GSTP1: variants seen among roughly 807,000 people sequenced by gnomAD.
GSTP1 encodes glutathione S-transferase P.
A neutral mutation model predicts 29.4 loss-of-function variants in GSTP1; 28 were observed. The observed-to-expected ratio is 0.95, with a 90% CI of 0.71 to 1.30. The LOEUF (loss-of-function observed/expected upper bound fraction) is 1.30, where lower values mean the gene tolerates loss of function less well. GSTP1 is among the 50% of genes most tolerant of loss of function. GSTP1 has a pLI of 0.00. For synonymous variants in GSTP1, 122 were observed against 117.0 expected (o/e 1.04, Z -0.28); for missense variants, 267 against 266.1 (o/e 1.00, Z -0.02).
At chr11:67,586,336 A>G (rs1238514438) in intron 6 of GSTP1, 53 bp from the exon 7 acceptor site, 2 of 1,574,940 alleles carry the variant, frequency 1.3e-6, no homozygotes, top group Non-Finnish European at 1.7e-6. Context: ...CTCTGCCCCC[A>G]ATTCCTCCAG....
Position 67,586,639 on chromosome 11 carries a change from T to A in GSTP1, c.*62T>A. On this transcript the variant is annotated 3_prime_UTR_variant, in exon 7 of 7. Transcript: ENST00000398606. ...CTTCCTTTCTCCAGGACCAATAAAA[T>A]TTCTAAGAGAGCTACTATGAGCACT... The A allele has an allele frequency of 2.1e-6, 3 of 1,407,178 alleles. No homozygotes were observed. The highest frequency in any genetic ancestry group is 2.9e-6 in the Non-Finnish European group (3 of 1,022,794). The allele number at this position is 1,407,178 out of a possible 1,614,324, so 87.2% of individuals were successfully genotyped here.
At chr11:67,584,291 C>T (rs954944588) in intron 2 of GSTP1, 122 bp downstream of exon 2, 11 of 807,072 alleles carry the variant, frequency 1.4e-5, no homozygotes, top group Admixed American at 8.1e-5. Flanking sequence ...TACCCCGGGC[C>T]TCCTTCCTGT....
chr11:67,586,583 G>GA lies in GSTP1; in HGVS notation c.*6_*7insA. The GA allele has an allele frequency of 6.2e-7, 1 of 1,604,552 alleles. No homozygotes were observed. Among genetic ancestry groups the GA allele is most frequent in the Non-Finnish European group, 8.5e-7 (1 of 1,174,148 alleles). ...ATGGCAACGGGAAACAGTGAGGGTT[G>GA]GGGGGACTCTGAGCGGGAGGCAGAG... On this transcript the variant is annotated 3_prime_UTR_variant, in exon 7 of 7. Coordinates refer to ENST00000398606, the MANE Select transcript of GSTP1 (RefSeq NM_000852.4).
rs750586939 is a variant in GSTP1 at position 67,585,210 on chromosome 11, G to C, written c.305G>C (p.Cys102Ser). ...MVNDGVEDLR[C>S]KYISLIYTNY... ...AATGACGGCGTGGAGGACCTCCGCT[G>C]CAAATACATCTCCCTCATCTACACC... The change falls in exon 5 of 7, where the codon TGC (cysteine) becomes TCC (serine). Residue 102 changes from cysteine to serine, a missense_variant. Cys to Ser is a moderately radical substitution (Grantham distance 112, BLOSUM62 -1). Transcript: ENST00000398606. 21 of 1,609,084 alleles carry C rather than the reference G, an allele frequency of 1.3e-5. No individual in the cohort carries two copies. Among genetic ancestry groups the C allele is most frequent in the Non-Finnish European group, 1.6e-5 (19 of 1,177,008 alleles).
chr11:67,586,029 T>C (rs551558365), intron 5 of GSTP1, 75 bp from the exon 6 acceptor site: 1 of 1,092,866 alleles, frequency 9.2e-7, no homozygotes, highest in African/African-American at 1.5e-5. Context: ...CTCTGGTGTC[T>C]GGCCTGGGGC....
intron 1 of GSTP1, 123 bp from the exon 2 acceptor site, chr11:67,584,011 A>G (rs1867421809): frequency 2.9e-6 from 2 of 680,780 alleles, no homozygotes; most frequent in East Asian, 4.1e-5. Flanking sequence ...AGCGGCTTTC[A>G]GGGGGCCCGG....
intron 4 of GSTP1, 68 bp downstream of exon 4, chr11:67,584,840 A>G: frequency 8.5e-7 from 1 of 1,170,582 alleles, no homozygotes; most frequent in Non-Finnish European, 1.3e-6. Context: ...CCTTTTGTTT[A>G]AATCAGCTGC....
rs772503886 is a variant in GSTP1, at chr11:67,586,468, C to T, written c.524C>T (p.Pro175Leu). Residue 175 changes from proline to leucine, a missense_variant, in exon 7 of 7, where the codon CCC becomes CTC. Pro to Leu is a moderately conservative substitution (Grantham distance 98). Transcript: ENST00000398606. ...GCCCCTGGCTGCCTGGATGCGTTCCCCCTGCTCTCAGCATATGTGGGGCGC... is the reference window on the plus strand; with the variant it reads ...GCCCCTGGCTGCCTGGATGCGTTCCTCCTGCTCTCAGCATATGTGGGGCGC... The part of the protein sequence containing the change: ...VLAPGCLDAF[P>L]LLSAYVGRLS... The T allele has an allele frequency of 1.9e-6, 3 of 1,614,082 alleles. No homozygotes were observed. Among genetic ancestry groups the T allele is most frequent in the Admixed American group, 3.3e-5 (2 of 60,000 alleles).
In GSTP1 at chr11:67,586,355, C is replaced by T. The variant is rs200490817; in HGVS notation, c.445-34C>T. The T allele has an allele frequency of 9.9e-5, 157 of 1,591,904 alleles. 1 individual carries two copies. The highest frequency in any genetic ancestry group is 2.0e-4 in the Admixed American group (12 of 58,592). ...GCCCCCAATTCCTCCAGCCTGCTCC[C>T]GCTGGCTGAGTCCCTGGCCCCCCTG... On this transcript the variant is annotated intron_variant, in intron 6 of 6. Transcript: ENST00000398606.
intron 1 of GSTP1, 78 bp downstream of exon 1, chr11:67,583,922 G>A (rs1033307009): frequency 4.4e-6 from 3 of 680,676 alleles, no homozygotes; most frequent in African/African-American, 1.8e-5. Context: ...CATCAGGCCC[G>A]GGCTCCCGGC....
intron 6 of GSTP1, 55 bp from the exon 7 acceptor site, chr11:67,586,334 C>T: frequency 1.3e-6 from 2 of 1,570,274 alleles, no homozygotes; most frequent in Non-Finnish European, 1.7e-6. Context: ...CCCTCTGCCC[C>T]CAATTCCTCC....
chr11:67,586,319 T>G, intron 6 of GSTP1, 70 bp from the exon 7 acceptor site: 1 of 1,541,480 alleles, frequency 6.5e-7, no homozygotes, highest in Non-Finnish European at 8.9e-7. Flanking sequence ...GGGGATGGGC[T>G]TAGGCCCTCT....
intron 5 of GSTP1, among the ~76,000 whole-genome samples, chr11:67,585,503 C>G (rs1278106380): frequency 6.6e-6 from 1 of 152,176 alleles, no homozygotes; most frequent in African/African-American, 2.4e-5. Context: ...CTGGTGGTTT[C>G]TGATCTCCTG....
Position 67,586,184 on chromosome 11 carries a change from A to G in GSTP1, c.417A>G (p.Gly139=). The stretch of plus-strand genomic sequence containing the variant: ...AGACCCTGCTGTCCCAGAACCAGGG[A>G]GGCAAGACCTTCATTGTGGGAGACC... The part of the protein sequence containing the change: ...PFETLLSQNQ[G]GKTFIVGDQI... Residue 139 remains glycine, a synonymous_variant, in exon 6 of 7, where the codon GGA becomes GGG. Coordinates refer to ENST00000398606, the MANE Select transcript of GSTP1 (RefSeq NM_000852.4). 1.2e-6 allele frequency: 2 copies of G among 1,613,630 alleles called. No homozygotes were observed. Among genetic ancestry groups the G allele is most frequent in the Non-Finnish European group, 1.7e-6 (2 of 1,179,618 alleles).
At chr11:67,585,071 AT>A (rs754084796) in intron 4 of GSTP1, 66 bp from the exon 5 acceptor site, 1 of 1,031,836 alleles carries the variant, frequency 9.7e-7, no homozygotes, top group Non-Finnish European at 1.5e-6. Context: ...TGGTTGGCCC[AT>A]CCCCAGTGAC....
Position 67,584,170 on chromosome 11 carries a change from G to A in GSTP1, c.37+1G>A. The A allele has an allele frequency of 6.2e-7, 1 of 1,611,550 alleles. No homozygotes were observed. On this transcript the variant is annotated splice_donor_variant, in intron 2 of 6. Coordinates refer to ENST00000398606, the MANE Select transcript of GSTP1 (RefSeq NM_000852.4). LOFTEE classifies it high-confidence loss of function. ...ACCGTGGTCTATTTCCCAGTTCGAG[G>A]TAGGAGCATGTGTCTGGCAGGGAAG...
rs547917745 is a variant in GSTP1 at position 67,584,059 on chromosome 11, G to GA, written c.2-75_2-74insA. 3.7e-5 allele frequency: 42 copies of GA among 1,148,430 alleles called. 1 individual carries two copies. The East Asian group carries it at 4.4e-4, about 12-fold the overall frequency. 71.1% of individuals were successfully genotyped at this position (1,148,430 alleles called of 1,614,324 possible). On this transcript the variant is annotated intron_variant, in intron 1 of 6. Coordinates refer to ENST00000398606, the MANE Select transcript of GSTP1 (RefSeq NM_000852.4). ...AGGGATGGGACCCCGGGGGCGGGGA[G>GA]GGGGGGCAGACTGCGCTCACCGCGC...
In GSTP1 at chr11:67,584,471, C is replaced by G. The variant is rs768734901; in HGVS notation, c.45C>G (p.Cys15Trp). 3 of 1,519,320 alleles carry G rather than the reference C, an allele frequency of 2.0e-6. No homozygotes were observed. The highest frequency in any genetic ancestry group is 1.2e-5 in the South Asian group (1 of 81,812). The allele number at this position is 1,519,320 out of a possible 1,614,324, so 94.1% of individuals were successfully genotyped here. Reference sequence around the variant, plus strand: ...ACTTCTCCCTCCCCGCAGGCCGCTGCGCGGCCCTGCGCATGCTGCTGGCAG... The same window carrying G: ...ACTTCTCCCTCCCCGCAGGCCGCTGGGCGGCCCTGCGCATGCTGCTGGCAG... Reference protein sequence around the residue: ...TVVYFPVRGRCAALRMLLADQ... With the variant: ...TVVYFPVRGRWAALRMLLADQ... Residue 15 changes from cysteine to tryptophan, a missense_variant, in exon 3 of 7, where the codon TGC (cysteine) becomes TGG (tryptophan). By Grantham distance (215) the Cys-to-Trp change is radical. Coordinates refer to ENST00000398606, the MANE Select transcript of GSTP1 (RefSeq NM_000852.4).
chr11:67,584,211 G>A (rs753375664), intron 2 of GSTP1, 42 bp downstream of exon 2: 1 of 1,514,386 alleles, frequency 6.6e-7, no homozygotes, highest in Non-Finnish European at 9.2e-7. Flanking sequence ...CAGGGGCTGG[G>A]GCTGCAGCCC....
Sources: allele counts gnomAD v4.1 joint callset (sites outside exome capture counted in the v4.1 genomes callset), GRCh38; gene constraint gnomAD v4.1.1; transcripts MANE v1.5; gene names NCBI Gene and HGNC (gene_info 2026-07-23, HGNC 2026-07-21).